SEC16B: variants seen among roughly 807,000 people sequenced by gnomAD.
SEC16B encodes SEC16 homolog B, endoplasmic reticulum export factor.
SEC16B carries 115 observed loss-of-function variants against 141.8 expected under a neutral mutation model. The ratio of observed to expected loss-of-function variants is 0.81; its 90% confidence interval spans 0.70 to 0.95. SEC16B has a LOEUF of 0.95. Among genes scored for constraint, SEC16B ranks in the 40% least tolerant of loss-of-function variants. SEC16B has a pLI of 0.00. For synonymous variants in SEC16B, 493 were observed against 492.5 expected (o/e 1.00, Z -0.01); for missense variants, 1,291 against 1,312.3 (o/e 0.98, Z 0.25).
chr1:177,960,594 T>C (rs1387519157), intron 7 of SEC16B, 191 bp from the exon 8 acceptor site: 2 of 692,836 alleles, frequency 2.9e-6, no homozygotes, highest in African/African-American at 1.8e-5. Context: ...AACACAACTG[T>C]AGCATCAATT....
intron 18 of SEC16B, among the ~76,000 whole-genome samples, chr1:177,938,027 C>T (rs996243027): frequency 6.6e-6 from 1 of 152,218 alleles, no homozygotes; most frequent in Non-Finnish European, 1.5e-5. Flanking sequence ...CACCCCTACA[C>T]CTTAAGAAAA....
At chr1:177,957,797 C>T (rs1571337234) in intron 10 of SEC16B, among the ~76,000 whole-genome samples, 1 of 143,404 alleles carries the variant, frequency 7.0e-6, no homozygotes, top group Non-Finnish European at 1.5e-5. Context: ...CACCCACCCT[C>T]CCTCCCACCC....
At chr1:177,968,139 A>T in intron 1 of SEC16B, 100 bp from the exon 2 acceptor site, 1 of 652,414 alleles carries the variant, frequency 1.5e-6, no homozygotes, top group Non-Finnish European at 2.5e-6. Context: ...GGTCCTCGAA[A>T]TATATCTAAA....
intron 19 of SEC16B, 57 bp from the exon 20 acceptor site, chr1:177,936,422 C>G: frequency 1.4e-6 from 2 of 1,444,022 alleles, no homozygotes; most frequent in South Asian, 1.2e-5. Context: ...TCCCATCTAT[C>G]CTGAAGAAGG....
At chr1:177,939,833 G>A in intron 17 of SEC16B, 56 bp from the exon 18 acceptor site, 1 of 1,327,510 alleles carries the variant, frequency 7.5e-7, no homozygotes, top group Non-Finnish European at 1.0e-6. Context: ...AACAAGAACA[G>A]AGAAACAAAG....
At chr1:177,930,481 C>A (rs1650331553) in intron 25 of SEC16B, 64 bp downstream of exon 25, 18 of 1,086,280 alleles carry the variant, frequency 1.7e-5, no homozygotes, top group Non-Finnish European at 2.5e-5. Flanking sequence ...GGATGATAAA[C>A]CTAGGTCTCC....
Position 177,947,876 on chromosome 1 carries a change from C to A in SEC16B, c.1612G>T (p.Gly538Trp). The A allele has an allele frequency of 6.4e-7, 1 of 1,560,330 alleles. No homozygotes were observed. Among genetic ancestry groups the A allele is most frequent in the East Asian group, 2.4e-5 (1 of 41,336 alleles). The change falls in exon 13 of 26, where the codon GGG (glycine) becomes TGG (tryptophan). Residue 538 changes from glycine to tryptophan, a missense_variant. Around this residue, in one of 3 missense-constraint regions of SEC16B, gnomAD observed 681 missense variants for 675.5 expected, o/e 1.01. Coordinates refer to ENST00000308284, the MANE Select transcript of SEC16B (RefSeq NM_033127.4). Reference protein sequence around the residue: ...HLAVILSNQAGDPELYQRAIV... With the variant: ...HLAVILSNQAWDPELYQRAIV... ...GCACGCTGATACAGCTCTGGGTCCC[C>A]AGCCTGATTCGACAGAATCACAGCC...
chr1:177,960,714 G>C, intron 7 of SEC16B, 77 bp downstream of exon 7: 1 of 1,464,502 alleles, frequency 6.8e-7, no homozygotes, highest in Non-Finnish European at 9.1e-7. Context: ...CTCAGGCACA[G>C]GAAAGCAAGG....
At position 177,980,392 on chromosome 1, in the gene SEC16B, G is replaced by A. The variant is rs554741382; in HGVS notation, c.-59+3814C>T. Among the ~76,000 whole-genome samples, 190 of 151,868 alleles carry A rather than the reference G, an allele frequency of 1.3e-3. 1 individual carries two copies. Among genetic ancestry groups the A allele is most frequent in the African/African-American group, 4.4e-3 (184 of 41,380 alleles). On this transcript the variant is annotated intron_variant and NMD_transcript_variant, in intron 1 of 24. Coordinates refer to the SEC16B transcript ENST00000528461. ...GACTTTCATTTATTCAGTTCCTATG[G>A]GAGAAAAGCCTTTTCCCCATAGCTC... is the stretch of plus-strand genomic sequence containing the variant.
rs1231459812 is a variant in SEC16B, at chr1:177,936,251, G to C, written c.2571+47C>G. The stretch of plus-strand genomic sequence containing the variant: ...AAACCAAGGCAACTGGTAAAAACCA[G>C]AAGCATTTGAGTGGGCAGTGGCATC... On this transcript the variant is annotated intron_variant, in intron 20 of 25. Transcript: ENST00000308284. 31 of 1,511,378 alleles carry C rather than the reference G, an allele frequency of 2.1e-5. No homozygotes were observed. In the Admixed American group the frequency reaches 5.5e-4, roughly 27 times the overall value. The allele number at this position is 1,511,378 out of a possible 1,614,324, so 93.6% of individuals were successfully genotyped here. A position where few individuals can be genotyped will look rare whatever the true frequency, so the allele number is the denominator to read the frequency against.
intron 8 of SEC16B, chr1:177,959,214 G>T: frequency 1.9e-6 from 1 of 515,796 alleles, no homozygotes; most frequent in Non-Finnish European, 3.5e-6. Flanking sequence ...CAGAGGCTCA[G>T]AGACCTGAAG....
rs757536439 is a variant in SEC16B, at chr1:177,933,600, T to C, written c.2608A>G (p.Ser870Gly). 4.3e-6 allele frequency: 7 copies of C among 1,613,954 alleles called. No homozygotes were observed. In the South Asian group the frequency reaches 6.6e-5, roughly 15 times the overall value. Residue 870 changes from serine (S) to glycine (G), a missense_variant, in exon 21 of 26, where the codon AGT becomes GGT. Around this residue, in one of 3 missense-constraint regions of SEC16B, gnomAD observed 605 missense variants for 614.1 expected, o/e 0.99. Coordinates refer to ENST00000308284, the MANE Select transcript of SEC16B (RefSeq NM_033127.4). Reference protein sequence around the residue: ...LAARPRSISESSASSAKEDEK... With the variant: ...LAARPRSISEGSASSAKEDEK... Reference sequence around the variant, plus strand: ...TCCTCCTTGGCTGAACTGGCGGAACTCTCAGAAATACTTCGTGGTCTAGCA... The same window carrying C: ...TCCTCCTTGGCTGAACTGGCGGAACCCTCAGAAATACTTCGTGGTCTAGCA...
chr1:177,963,715 C>T (rs1005131579), intron 5 of SEC16B, among the ~76,000 whole-genome samples: 5 of 152,112 alleles, frequency 3.3e-5, no homozygotes, highest in Non-Finnish European at 5.9e-5. Context: ...GCCCAGCTGG[C>T]GCATACAATA....
chr1:177,929,774 T>C lies in SEC16B; in HGVS notation c.*84A>G. 1 of 1,473,964 alleles carries C rather than the reference T, an allele frequency of 6.8e-7. No homozygotes were observed. Among genetic ancestry groups the C allele is most frequent in the African/African-American group, 1.4e-5 (1 of 72,168 alleles). The allele number at this position is 1,473,964 out of a possible 1,614,324, so 91.3% of individuals were successfully genotyped here. A position where few individuals can be genotyped will look rare whatever the true frequency, so the allele number is the denominator to read the frequency against. On this transcript the variant is annotated 3_prime_UTR_variant, in exon 26 of 26. Coordinates refer to ENST00000308284, the MANE Select transcript of SEC16B (RefSeq NM_033127.4). ...CACAAACCTCTTGAGGGTCCCAATA[T>C]GGTAGAGAGGGGCTGGGAGATTGAG...
chr1:177,972,547 G>A (rs1654002596), upstream of SEC16B, among the ~76,000 whole-genome samples: 2 of 152,218 alleles, frequency 1.3e-5, no homozygotes, highest in South Asian at 2.1e-4. Flanking sequence ...ACATCATCCT[G>A]CCCCAAGTGC....
rs763489398 is a variant in SEC16B, at chr1:177,946,414, G to A, written c.1775+6C>T. 17 of 1,548,450 alleles carry A rather than the reference G, an allele frequency of 1.1e-5. No homozygotes were observed. Among genetic ancestry groups the A allele is most frequent in the African/African-American group, 5.5e-5 (4 of 73,188 alleles). On this transcript the variant is annotated splice_donor_region_variant and intron_variant, in intron 14 of 25. Coordinates refer to ENST00000308284, the MANE Select transcript of SEC16B (RefSeq NM_033127.4). The stretch of plus-strand genomic sequence containing the variant: ...CTTACTGTTTCCTTTCTCCCAGGTC[G>A]CATACCTGTGGCTGCTGCCCAGCAA...
At chr1:177,957,767 T>A (rs1015051521) in intron 10 of SEC16B, among the ~76,000 whole-genome samples, 2 of 151,754 alleles carry the variant, frequency 1.3e-5, no homozygotes, top group Non-Finnish European at 2.9e-5. Flanking sequence ...CATTCTAACT[T>A]TTTTTTGCAC....
At chr1:177,939,570 C>A in intron 18 of SEC16B, 132 bp downstream of exon 18, 1 of 726,622 alleles carries the variant, frequency 1.4e-6, no homozygotes, top group Non-Finnish European at 2.4e-6. Context: ...GCCTGGACAA[C>A]GGGGCGGACT....
intron 18 of SEC16B, 129 bp from the exon 19 acceptor site, chr1:177,937,642 C>A (rs1571310964): frequency 2.9e-6 from 2 of 686,762 alleles, no homozygotes; most frequent in Non-Finnish European, 4.7e-6. Context: ...TCTAATGCGG[C>A]TTCCAGTAAC....
Sources: gnomAD v4.1 joint callset for allele counts (sites outside exome capture counted in the v4.1 genomes callset) on GRCh38, gnomAD v4.1.1 for gene constraint, gnomAD v4.1.1 regional missense constraint, MANE v1.5 for transcripts, NCBI Gene and HGNC (gene_info 2026-07-23, HGNC 2026-07-21) for gene names.